MOB1B: variants seen among roughly 807,000 people sequenced by gnomAD.
MOB1B encodes MOB kinase activator 1B.
A neutral mutation model predicts 24.4 loss-of-function variants in MOB1B; 19 were observed. That is an observed-to-expected ratio of 0.78 (90% CI 0.54 to 1.14). The LOEUF (loss-of-function observed/expected upper bound fraction) is 1.14. MOB1B is among the 50% of genes most tolerant of loss of function. The pLI, the probability that MOB1B is intolerant of heterozygous loss-of-function variation, is 0.00. For synonymous variants in MOB1B, 76 were observed against 82.1 expected, an observed-to-expected ratio of 0.93 and a Z score of 0.40; for missense variants, 243 against 259.6, an observed-to-expected ratio of 0.94 and a Z score of 0.44.
intron 1 of MOB1B, among the ~76,000 whole-genome samples, chr4:70,921,522 C>A (rs1017165809): frequency 2.2e-5 from 3 of 133,668 alleles, no homozygotes; most frequent in Admixed American, 7.6e-5. Context: ...CTTCCCTTTT[C>A]CTGAGATGGA....
chr4:70,926,630 A>G (rs1007079144), intron 1 of MOB1B, among the ~76,000 whole-genome samples: 29 of 152,318 alleles, frequency 1.9e-4, no homozygotes, highest in African/African-American at 6.3e-4. Flanking sequence ...AATAAAATGA[A>G]CATTTATTGA....
Position 70,987,004 on chromosome 4 carries a change from A to T in MOB1B, c.*4947A>T, listed in dbSNP as rs556487403. The T allele has an allele frequency of 7.9e-4, 120 of 152,300 alleles. No individual in the cohort carries two copies. The highest frequency in any genetic ancestry group is 2.8e-3 in the African/African-American group (118 of 41,572). 9.4% of individuals were successfully genotyped at this position (152,300 alleles called of 1,614,324 possible). A position where few individuals can be genotyped will look rare whatever the true frequency, so the allele number is the denominator to read the frequency against. ...ACTTTTTCTGCATATAGAACTAAATAATTGAAAAATATGGGCTATAGTTCT... is the reference window on the plus strand; with the variant it reads ...ACTTTTTCTGCATATAGAACTAAATTATTGAAAAATATGGGCTATAGTTCT... On this transcript the variant is annotated 3_prime_UTR_variant, in exon 6 of 6. Transcript: ENST00000309395.
intron 1 of MOB1B, among the ~76,000 whole-genome samples, chr4:70,926,013 G>A (rs1736633566): frequency 6.6e-6 from 1 of 152,068 alleles, no homozygotes; most frequent in African/African-American, 2.4e-5. Flanking sequence ...TGAGTGACAG[G>A]ATCTCACTCT....
intron 4 of MOB1B, among the ~76,000 whole-genome samples, chr4:70,977,429 C>G (rs1249552625): frequency 3.3e-5 from 5 of 152,030 alleles, no homozygotes; most frequent in Non-Finnish European, 7.4e-5. Flanking sequence ...CCAGTAGTAC[C>G]AATATTGGCT....
At chr4:70,976,154 G>C in intron 4 of MOB1B, 1 of 948,164 alleles carries the variant, frequency 1.1e-6, no homozygotes, top group Non-Finnish European at 1.3e-6. Context: ...TACCCACCTC[G>C]GCCTCCCAAA....
chr4:70,970,112 C>A, intron 3 of MOB1B, 88 bp downstream of exon 3: 1 of 736,880 alleles, frequency 1.4e-6, no homozygotes, highest in South Asian at 2.0e-5. Flanking sequence ...TATGATTTTT[C>A]TACTTATCGT....
At chr4:70,959,702 A>G (rs1738221582) in intron 2 of MOB1B, among the ~76,000 whole-genome samples, 1 of 152,118 alleles carries the variant, frequency 6.6e-6, no homozygotes, top group African/African-American at 2.4e-5. Flanking sequence ...TATGATTATT[A>G]TTTCGGTTTA....
chr4:70,909,289 A>T (rs1231081831), intron 1 of MOB1B, among the ~76,000 whole-genome samples: 1 of 152,036 alleles, frequency 6.6e-6, no homozygotes, highest in Non-Finnish European at 1.5e-5. Flanking sequence ...CAGGCAAATG[A>T]TTTAACTGAT....
In MOB1B at chr4:70,988,156, G is replaced by A. The variant is rs568712572; in HGVS notation, c.*6099G>A. ...AAGAAAAAAATGAATAAATAGTTACGTTTGGCCATGAATCCTGACTTTGCA... is the reference window on the plus strand; with the variant it reads ...AAGAAAAAAATGAATAAATAGTTACATTTGGCCATGAATCCTGACTTTGCA... On this transcript the variant is annotated 3_prime_UTR_variant, in exon 6 of 6. Coordinates refer to ENST00000309395, the MANE Select transcript of MOB1B (RefSeq NM_173468.4). The A allele has an allele frequency of 5.3e-5, 8 of 151,814 alleles. No homozygotes were observed. The highest frequency in any genetic ancestry group is 2.0e-4 in the Admixed American group (3 of 15,226). 9.4% of individuals were successfully genotyped at this position (151,814 alleles called of 1,614,324 possible).
At chr4:70,977,095 A>G (rs1270003519) in intron 4 of MOB1B, among the ~76,000 whole-genome samples, 1 of 152,148 alleles carries the variant, frequency 6.6e-6, no homozygotes, top group African/African-American at 2.4e-5. Context: ...CCTTAAAAAA[A>G]TCAGTACAGA....
chr4:70,974,349 G>A (rs1015716724), intron 3 of MOB1B, among the ~76,000 whole-genome samples: 5 of 151,940 alleles, frequency 3.3e-5, no homozygotes, highest in African/African-American at 9.7e-5. Context: ...AGTGATCCAC[G>A]TGCCTCGGCC....
chr4:70,970,263 C>T (rs1367219839), intron 3 of MOB1B, among the ~76,000 whole-genome samples: 1 of 152,032 alleles, frequency 6.6e-6, no homozygotes, highest in Non-Finnish European at 1.5e-5. Context: ...CCTTGCTGTT[C>T]CCTCCATTAC....
intron 3 of MOB1B, among the ~76,000 whole-genome samples, 168 bp downstream of exon 3, chr4:70,970,192 G>A (rs980022036): frequency 6.6e-6 from 1 of 151,996 alleles, no homozygotes; most frequent in Admixed American, 6.6e-5. Flanking sequence ...TGTCCATCTT[G>A]CCTTTCCTCT....
intron 1 of MOB1B, among the ~76,000 whole-genome samples, chr4:70,952,897 C>G (rs768448689): frequency 1.6e-4 from 20 of 128,912 alleles, no homozygotes; most frequent in Admixed American, 8.6e-4. Context: ...GGTATTTATG[C>G]TTTTGAATTT....
At chr4:70,910,249 C>T (rs974423376) in intron 1 of MOB1B, among the ~76,000 whole-genome samples, 2 of 152,006 alleles carry the variant, frequency 1.3e-5, no homozygotes, top group Non-Finnish European at 2.9e-5. Flanking sequence ...CCGTGTTGGC[C>T]AGGCTGGTCT....
intron 1 of MOB1B, among the ~76,000 whole-genome samples, chr4:70,936,219 C>T (rs1327114080): frequency 6.6e-6 from 1 of 152,054 alleles, no homozygotes; most frequent in African/African-American, 2.4e-5. Flanking sequence ...TATTCGAACT[C>T]CTGAGCTCAA....
intron 1 of MOB1B, among the ~76,000 whole-genome samples, chr4:70,909,468 A>T (rs936210058): frequency 9.9e-5 from 15 of 152,090 alleles, no homozygotes; most frequent in Non-Finnish European, 1.8e-4. Context: ...GTGCCAGTAC[A>T]CTCTAGCCTG....
chr4:70,937,456 A>G (rs1043040991), intron 1 of MOB1B, among the ~76,000 whole-genome samples: 2 of 151,546 alleles, frequency 1.3e-5, no homozygotes, highest in African/African-American at 2.4e-5. Context: ...TGAATTTTCT[A>G]TATCTTGGAT....
At chr4:70,943,566 T>C (rs1431341592) in intron 1 of MOB1B, among the ~76,000 whole-genome samples, 1 of 152,168 alleles carries the variant, frequency 6.6e-6, no homozygotes, top group Non-Finnish European at 1.5e-5. Context: ...AAATCAACAA[T>C]CATTGATCAT....
Sources: gnomAD v4.1 joint callset for allele counts (sites outside exome capture counted in the v4.1 genomes callset) on GRCh38, gnomAD v4.1.1 for gene constraint, MANE v1.5 for transcripts, NCBI Gene and HGNC (gene_info 2026-07-23, HGNC 2026-07-21) for gene names.